The following SLC27A6 variants were observed in gnomAD, a reference collection of about 807,000 sequenced individuals.
SLC27A6 encodes the protein solute carrier family 27 member 6.
Under a neutral mutation model 63.9 loss-of-function variants are expected in SLC27A6, and 74 were observed. The observed-to-expected ratio is 1.16, with a 90% CI of 0.96 to 1.40. The LOEUF is 1.40. SLC27A6 is among the 40% of genes most tolerant of loss of function. The probability of loss-of-function intolerance (pLI) is 0.00; values close to 1 mark genes in which losing one functional copy is unlikely to be tolerated. For synonymous variants in SLC27A6, 287 were observed against 260.8 expected, an observed-to-expected ratio of 1.10 and a Z score of -0.97; for missense variants, 794 against 732.9, an observed-to-expected ratio of 1.08 and a Z score of -0.96.
chr5:129,018,166 T>A (rs547983100), intron 5 of SLC27A6, among the ~76,000 whole-genome samples: 15 of 152,304 alleles, frequency 9.8e-5, no homozygotes, highest in African/African-American at 3.4e-4. Flanking sequence ...TATTTAGAAC[T>A]GCTTTTGAAG....
At chr5:128,969,257 G>C (rs1456936110) in intron 1 of SLC27A6, among the ~76,000 whole-genome samples, 1 of 152,026 alleles carries the variant, frequency 6.6e-6, no homozygotes, top group African/African-American at 2.4e-5. Context: ...GCTCTTTTTT[G>C]GTTCCGTATG....
chr5:128,988,092 A>T (rs535459371), intron 2 of SLC27A6, among the ~76,000 whole-genome samples: 360 of 152,324 alleles, frequency 2.4e-3, no homozygotes, highest in Middle Eastern at 0.014. Context: ...AAGACTGATA[A>T]TTGCTCAATA....
In SLC27A6 at chr5:128,983,289, G is replaced by GTT. The variant is rs1195794733; in HGVS notation, c.482-1825_482-1824dup. On this transcript the variant is annotated intron_variant, in intron 1 of 9. Transcript: ENST00000262462. ...ACAGAACTTGAGCATTCTGATCCGG[G>GTT]TTTTTTTTTTTTTTTTTTTTGAGAC... 8.2e-3 allele frequency among the ~76,000 whole-genome samples: 911 copies of GTT among 111,088 alleles called. 51 individuals carry two copies. The highest frequency in any genetic ancestry group is 0.026 in the African/African-American group (753 of 29,220). The allele number at this position is 111,088 out of a possible 152,430, so 72.9% of individuals were successfully genotyped here. A position where few individuals can be genotyped will look rare whatever the true frequency, so the allele number is the denominator to read the frequency against.
intron 4 of SLC27A6, among the ~76,000 whole-genome samples, chr5:129,005,608 A>ATTTTT (rs34048257): frequency 3.9e-4 from 39 of 98,910 alleles, no homozygotes; most frequent in South Asian, 6.8e-4. Flanking sequence ...GTCTGGTTGT[A>ATTTTT]TTTTTTTTTT....
chr5:129,005,957 C>T (rs1414496269), intron 4 of SLC27A6, among the ~76,000 whole-genome samples: 2 of 151,468 alleles, frequency 1.3e-5, no homozygotes, highest in African/African-American at 2.4e-5. Context: ...AAAAACGGGA[C>T]ATGGCTCAGA....
intron 3 of SLC27A6, among the ~76,000 whole-genome samples, chr5:128,989,771 A>C (rs544125417): frequency 5.4e-4 from 82 of 152,018 alleles, no homozygotes; most frequent in African/African-American, 1.9e-3. Context: ...AAAAATACAA[A>C]AAATTAGCCA....
At chr5:129,031,704 C>T (rs1752420552) in intron 9 of SLC27A6, among the ~76,000 whole-genome samples, 1 of 151,696 alleles carries the variant, frequency 6.6e-6, no homozygotes, top group African/African-American at 2.4e-5. Flanking sequence ...TTAAATGAGA[C>T]CTTATAAAAC....
chr5:128,969,922 T>C (rs567671022), intron 1 of SLC27A6, among the ~76,000 whole-genome samples: 4 of 152,228 alleles, frequency 2.6e-5, no homozygotes, highest in Non-Finnish European at 4.4e-5. Context: ...GCTCTTATTA[T>C]TTTGAGATAC....
Position 129,028,502 on chromosome 5 carries a change from GTT to G in SLC27A6, c.1552+63_1552+64del. ...AGAATAGAATTGCCACTATTCTCTAGTTTTGCAACAGTCTTGCTAATTCAACA... is the reference window on the plus strand; with the variant it reads ...AGAATAGAATTGCCACTATTCTCTAGTTGCAACAGTCTTGCTAATTCAACA... On this transcript the variant is annotated intron_variant, in intron 8 of 9. Coordinates refer to ENST00000262462, the MANE Select transcript of SLC27A6 (RefSeq NM_001017372.3). 5.1e-6 allele frequency: 5 copies of G among 981,106 alleles called. No individual in the cohort carries two copies. The East Asian group carries it at 1.2e-4, about 24-fold the overall frequency. The allele number at this position is 981,106 out of a possible 1,614,324, so 60.8% of individuals were successfully genotyped here.
chr5:128,989,768 C>A (rs1277132562), intron 3 of SLC27A6, among the ~76,000 whole-genome samples: 1 of 151,594 alleles, frequency 6.6e-6, no homozygotes, highest in Non-Finnish European at 1.5e-5. Flanking sequence ...ACTAAAAATA[C>A]AAAAAATTAG....
At chr5:129,028,208 C>T in intron 7 of SLC27A6, 137 bp from the exon 8 acceptor site, 1 of 587,236 alleles carries the variant, frequency 1.7e-6, no homozygotes, top group East Asian at 3.2e-5. Flanking sequence ...TTAGAAATGC[C>T]TTTCATCTTG....
At chr5:128,976,385 G>A (rs1048346124) in intron 1 of SLC27A6, among the ~76,000 whole-genome samples, 6 of 152,072 alleles carry the variant, frequency 3.9e-5, no homozygotes, top group African/African-American at 1.4e-4. Flanking sequence ...TTGGTGGTGC[G>A]TGCCTATAAT....
chr5:129,010,444 T>C (rs7711249), intron 4 of SLC27A6, among the ~76,000 whole-genome samples: 7,772 of 152,252 alleles, frequency 0.051, 441 homozygotes, highest in African/African-American at 0.14. Flanking sequence ...ATAGGAAGAT[T>C]ATCCTGGTGG....
rs571325083 is a variant in SLC27A6, at chr5:128,987,535, TAGAG to T, written c.686-1062_686-1059del. On this transcript the variant is annotated intron_variant, in intron 2 of 9. Transcript: ENST00000262462. Reference sequence around the variant, plus strand: ...AGGATGTTGGAGAAAACTGACAAGATAGAGAGGAGAAATTTTCAAAAAATTATTA... The same window carrying T: ...AGGATGTTGGAGAAAACTGACAAGATAGGAGAAATTTTCAAAAAATTATTA... Among the ~76,000 whole-genome samples the T allele has an allele frequency of 8.5e-5, 13 of 152,158 alleles. No individual in the cohort carries two copies. The South Asian group carries it at 2.7e-3, about 32-fold the overall frequency.
rs1561615204 is a variant in SLC27A6 at position 128,985,229 on chromosome 5, T to A, written c.578T>A (p.Leu193His). 1 of 1,613,982 alleles carries A rather than the reference T, an allele frequency of 6.2e-7. No individual in the cohort carries two copies. Among genetic ancestry groups the A allele is most frequent in the Non-Finnish European group, 8.5e-7 (1 of 1,179,936 alleles). ...TCTGTTCCACAAGGTGTAATTTCAC[T>A]CAAAGAAAAACTGAGCACCTCACCT... ...KDSVPQGVIS[L>H]KEKLSTSPDE... Residue 193 changes from leucine (L) to histidine (H), a missense_variant, in exon 2 of 10, where the codon CTC becomes CAC. By Grantham distance (99) the Leu-to-His change is moderately conservative. Transcript: ENST00000262462.
intron 6 of SLC27A6, among the ~76,000 whole-genome samples, chr5:129,025,206 CA>C (rs1161339809): frequency 2.0e-5 from 3 of 152,226 alleles, no homozygotes; most frequent in Non-Finnish European, 2.9e-5. Context: ...TCCATTAAGG[CA>C]TTGTGTCTTC....
Position 128,985,159 on chromosome 5 carries a change from CT to C in SLC27A6, c.510del (p.Pro171GlnfsTer12). The C allele has an allele frequency of 6.2e-7, 1 of 1,613,680 alleles. No homozygotes were observed. On this transcript the variant is annotated frameshift_variant, in exon 2 of 10. Transcript: ENST00000262462. LOFTEE classifies it high-confidence loss of function. Reference sequence around the variant, plus strand: ...TTTGCTTGGAACGGTAGAAGAAATCCTTCCAAGCCTCTCAGAAAATATCAGT... The same window carrying C: ...TTTGCTTGGAACGGTAGAAGAAATCCTCCAAGCCTCTCAGAAAATATCAGT... Reference protein sequence around the residue: ...ADLLGTVEEILPSLSENISVW... With the variant: ...ADLLGTVEEIXPSLSENISVW...
chr5:129,008,735 C>G (rs1384013331), intron 4 of SLC27A6, among the ~76,000 whole-genome samples: 1 of 152,170 alleles, frequency 6.6e-6, no homozygotes, highest in Non-Finnish European at 1.5e-5. Flanking sequence ...TTGAAAGGAG[C>G]TGCAGATGGA....
intron 8 of SLC27A6, among the ~76,000 whole-genome samples, 181 bp downstream of exon 8, chr5:129,028,623 G>A (rs1752321454): frequency 6.6e-6 from 1 of 151,138 alleles, no homozygotes; most frequent in Admixed American, 6.6e-5. Context: ...TCACATCAGG[G>A]GAAAGGTACC....
Sources: allele counts gnomAD v4.1 joint callset (sites outside exome capture counted in the v4.1 genomes callset), GRCh38; gene constraint gnomAD v4.1.1; transcripts MANE v1.5; gene names NCBI Gene and HGNC (gene_info 2026-07-23, HGNC 2026-07-21).